GATAD2B: variants seen among roughly 807,000 people sequenced by gnomAD.
The protein encoded by GATAD2B is transcriptional repressor p66-beta.
GATAD2B carries 8 observed loss-of-function variants against 64.3 expected under a neutral mutation model. The ratio of observed to expected loss-of-function variants is 0.12; its 90% CI spans 0.07 to 0.22. The LOEUF (loss-of-function observed/expected upper bound fraction) is 0.22, where lower values mean the gene tolerates loss of function less well. Among genes scored for constraint, GATAD2B ranks in the 10% least tolerant of loss-of-function variants. The probability of loss-of-function intolerance (pLI) is 1.00; values close to 1 mark genes in which losing one functional copy is unlikely to be tolerated. For missense variants in GATAD2B, 453 were observed against 752.0 expected, an observed-to-expected ratio of 0.60 and a Z score of 4.65; for synonymous variants, 281 against 271.3, an observed-to-expected ratio of 1.04 and a Z score of -0.35.
At chr1:153,902,739 A>C (rs1677817437) in intron 1 of GATAD2B, among the ~76,000 whole-genome samples, 2 of 152,174 alleles carry the variant, frequency 1.3e-5, no homozygotes, top group Admixed American at 6.6e-5. Flanking sequence ...TACATGTGTG[A>C]GCCACCAAGC....
At chr1:153,880,779 G>C (rs1415078541) in intron 1 of GATAD2B, among the ~76,000 whole-genome samples, 1 of 151,948 alleles carries the variant, frequency 6.6e-6, no homozygotes, top group Non-Finnish European at 1.5e-5. Flanking sequence ...AGGAGGTCAA[G>C]GTTGCAGTGA....
intron 1 of GATAD2B, among the ~76,000 whole-genome samples, chr1:153,831,045 T>A (rs1356112957): frequency 2.6e-5 from 4 of 152,144 alleles, no homozygotes; most frequent in Non-Finnish European, 5.9e-5. Flanking sequence ...CACTTGGGAT[T>A]ATAGGCAGAA....
At chr1:153,914,373 G>A (rs1001271672) in intron 1 of GATAD2B, among the ~76,000 whole-genome samples, 3 of 151,794 alleles carry the variant, frequency 2.0e-5, no homozygotes, top group Non-Finnish European at 2.9e-5. Flanking sequence ...GAAACCTAGC[G>A]AAATAGATAA....
intron 7 of GATAD2B, 127 bp from the exon 8 acceptor site, chr1:153,813,579 T>G: frequency 5.9e-6 from 4 of 672,946 alleles, no homozygotes; most frequent in South Asian, 5.6e-5. Flanking sequence ...AAAAGGATAT[T>G]CTATAATTTA....
intron 2 of GATAD2B, among the ~76,000 whole-genome samples, chr1:153,820,574 T>C (rs1412490858): frequency 6.6e-6 from 1 of 152,186 alleles, no homozygotes; most frequent in Non-Finnish European, 1.5e-5. Context: ...CCTACTTTCC[T>C]TGAGATTGTC....
At chr1:153,904,251 G>C (rs921365076) in intron 1 of GATAD2B, among the ~76,000 whole-genome samples, 5 of 151,770 alleles carry the variant, frequency 3.3e-5, no homozygotes, top group Non-Finnish European at 5.9e-5. Context: ...CTACACTCCA[G>C]CCTGGGTGAA....
chr1:153,896,811 A>T (rs1677609469), intron 1 of GATAD2B, among the ~76,000 whole-genome samples: 1 of 152,168 alleles, frequency 6.6e-6, no homozygotes, highest in Non-Finnish European at 1.5e-5. Context: ...AGAGTTCAGG[A>T]GATCATGCTA....
At chr1:153,818,644 TA>T (rs1174432631) in intron 4 of GATAD2B, 146 bp downstream of exon 4, 7,983 of 598,834 alleles carry the variant, frequency 0.013, no homozygotes, top group South Asian at 0.019. Flanking sequence ...GGCCTAAGAT[TA>T]AAAAAAAAAT....
rs1343595873 is a variant in GATAD2B, at chr1:153,809,087, C to T, written c.*1090G>A. 6.6e-6 allele frequency: 1 copy of T among 152,186 alleles called. No individual in the cohort carries two copies. Among genetic ancestry groups the T allele is most frequent in the Non-Finnish European group, 1.5e-5 (1 of 68,052 alleles). 9.4% of individuals were successfully genotyped at this position (152,186 alleles called of 1,614,324 possible). The stretch of plus-strand genomic sequence containing the variant: ...CCTTTCTTTCGTCTAAGTCTATTTC[C>T]TCCTGTTGTCACTTGACTCATTTAT... On this transcript the variant is annotated 3_prime_UTR_variant, in exon 11 of 11. Coordinates refer to ENST00000368655, the MANE Select transcript of GATAD2B (RefSeq NM_020699.4).
chr1:153,878,274 G>T (rs1032079615), intron 1 of GATAD2B, among the ~76,000 whole-genome samples: 2 of 151,212 alleles, frequency 1.3e-5, no homozygotes, highest in Non-Finnish European at 1.5e-5. Context: ...CTCCCGAGTA[G>T]CTAGGACCAC....
intron 1 of GATAD2B, among the ~76,000 whole-genome samples, chr1:153,875,678 G>A (rs945330504): frequency 1.1e-5 from 1 of 87,602 alleles, no homozygotes; most frequent in Non-Finnish European, 2.3e-5. Flanking sequence ...CCACGAGTTT[G>A]GAGGGAAAAA....
At chr1:153,851,184 G>A (rs1439819373) in intron 1 of GATAD2B, among the ~76,000 whole-genome samples, 1 of 152,074 alleles carries the variant, frequency 6.6e-6, no homozygotes, top group Non-Finnish European at 1.5e-5. Flanking sequence ...CCTCACATAA[G>A]TAGACTCACA....
At chr1:153,821,585 G>T (rs1674685367) in intron 2 of GATAD2B, among the ~76,000 whole-genome samples, 1 of 151,802 alleles carries the variant, frequency 6.6e-6, no homozygotes, top group Admixed American at 6.6e-5. Flanking sequence ...TCTTTTTTTT[G>T]AGATGGATTC....
chr1:153,910,635 G>A (rs1304050100), intron 1 of GATAD2B, among the ~76,000 whole-genome samples: 2 of 152,066 alleles, frequency 1.3e-5, no homozygotes, highest in East Asian at 3.9e-4. Flanking sequence ...AGCTACTCAG[G>A]AGGCTGAGGC....
At chr1:153,866,016 C>T (rs1676464018) in intron 1 of GATAD2B, among the ~76,000 whole-genome samples, 3 of 151,992 alleles carry the variant, frequency 2.0e-5, no homozygotes, top group South Asian at 4.1e-4. Flanking sequence ...ACCAGCCTGG[C>T]CAACATGGTC....
At chr1:153,826,546 A>G (rs1446763747) in intron 2 of GATAD2B, among the ~76,000 whole-genome samples, 1 of 152,070 alleles carries the variant, frequency 6.6e-6, no homozygotes, top group East Asian at 2.0e-4. Context: ...CAAGAGAATC[A>G]CTTGAACCCA....
At chr1:153,884,042 A>AT (rs1421792984) in intron 1 of GATAD2B, among the ~76,000 whole-genome samples, 7 of 152,242 alleles carry the variant, frequency 4.6e-5, no homozygotes, top group Admixed American at 3.3e-4. Flanking sequence ...CACGCCTATA[A>AT]TCCCAGCACT....
In GATAD2B at chr1:153,826,840, C is replaced by G. The variant is rs563343194; in HGVS notation, c.335+1173G>C. On this transcript the variant is annotated intron_variant, in intron 2 of 10. Coordinates refer to ENST00000368655, the MANE Select transcript of GATAD2B (RefSeq NM_020699.4). ...CCTGTAGTCCCAGCTACTTGGGAGG[C>G]TAGGGCGCGAAGATAACTTGAGCCC... 2.0e-5 allele frequency among the ~76,000 whole-genome samples: 3 copies of G among 151,196 alleles called. No homozygotes were observed. The South Asian group carries it at 6.3e-4, about 32-fold the overall frequency.
intron 1 of GATAD2B, among the ~76,000 whole-genome samples, chr1:153,893,060 G>A (rs11264532): frequency 0.3 from 44,992 of 151,986 alleles, 6,849 homozygotes; most frequent in Admixed American, 0.39. Flanking sequence ...AGTTCTGTGA[G>A]GCTGTACCTA....
Sources: gnomAD v4.1 joint callset for allele counts (sites outside exome capture counted in the v4.1 genomes callset) on GRCh38, gnomAD v4.1.1 for gene constraint, MANE v1.5 for transcripts, NCBI Gene and HGNC (gene_info 2026-07-23, HGNC 2026-07-21) for gene names.